The following FOCAD variants were observed in gnomAD, a reference collection of about 807,000 sequenced individuals.
FOCAD encodes the protein focadhesin.
In FOCAD, 198 loss-of-function variants were observed where a neutral mutation model predicts 225.6. That is an observed-to-expected ratio of 0.88 (90% CI 0.78 to 0.99). The LOEUF (loss-of-function observed/expected upper bound fraction) is 0.99. FOCAD is among the 50% of genes least tolerant of loss of function. FOCAD has a pLI of 0.00. For synonymous variants in FOCAD, 897 were observed against 755.0 expected, an observed-to-expected ratio of 1.19 and a Z score of -3.08; for missense variants, 2,713 against 2,123.6, an observed-to-expected ratio of 1.28 and a Z score of -5.46.
intron 41 of FOCAD, 21 bp downstream of exon 41, chr9:20,988,450 T>A: frequency 5.0e-6 from 7 of 1,388,520 alleles, no homozygotes; most frequent in Non-Finnish European, 7.1e-6. Flanking sequence ...GAGGAGTAGT[T>A]TATAGCTTCC....
At chr9:20,716,133 TC>T (rs1302649663) in intron 2 of FOCAD, 1 of 482,988 alleles carries the variant, frequency 2.1e-6, no homozygotes, top group Non-Finnish European at 4.4e-6. Flanking sequence ...GGGGAACCCT[TC>T]CATGAGGAGT....
At position 20,765,063 on chromosome 9, in the gene FOCAD, C is replaced by T; in HGVS notation, c.689C>T (p.Pro230Leu). The T allele has an allele frequency of 1.9e-6, 3 of 1,612,724 alleles. No homozygotes were observed. Among genetic ancestry groups the T allele is most frequent in the Non-Finnish European group, 2.5e-6 (3 of 1,179,274 alleles). ...QILQLCCDIVPCLQVKDLIQT... is the reference protein window; with the variant it reads ...QILQLCCDIVLCLQVKDLIQT... ...CTTCAACTGTGTTGTGACATAGTTC[C>T]ATGTTTGCAGGTAAGGTCTTTGTCC... Residue 230 changes from proline to leucine, a missense_variant, in exon 7 of 44, where the codon CCA becomes CTA. Pro to Leu is a moderately conservative substitution (Grantham distance 98). Coordinates refer to ENST00000338382, the MANE Select transcript of FOCAD (RefSeq NM_001375567.1).
At chr9:20,860,451 G>A (rs751234820) in intron 15 of FOCAD, among the ~76,000 whole-genome samples, 2 of 152,150 alleles carry the variant, frequency 1.3e-5, no homozygotes, top group Non-Finnish European at 2.9e-5. Context: ...TTTGAGAATA[G>A]TGCAAAGCTC....
chr9:20,978,290 G>C, intron 36 of FOCAD, 49 bp from the exon 37 acceptor site: 1 of 1,253,774 alleles, frequency 8.0e-7, no homozygotes, highest in Non-Finnish European at 1.1e-6. Flanking sequence ...CTGAAAATGA[G>C]TCAGGAAAGT....
At chr9:20,765,619 TATA>T (rs2130957725) in intron 7 of FOCAD, among the ~76,000 whole-genome samples, 1 of 152,292 alleles carries the variant, frequency 6.6e-6, no homozygotes, top group South Asian at 2.1e-4. Flanking sequence ...GTACTGTACA[TATA>T]TTCTTACAAT....
intron 1 of FOCAD, among the ~76,000 whole-genome samples, chr9:20,703,656 T>A (rs1380150814): frequency 2.0e-5 from 3 of 152,044 alleles, no homozygotes; most frequent in Non-Finnish European, 4.4e-5. Context: ...TTAAAACAAT[T>A]TTTCTACTTC....
At chr9:20,859,408 A>G (rs905548795) in intron 15 of FOCAD, among the ~76,000 whole-genome samples, 5 of 150,830 alleles carry the variant, frequency 3.3e-5, no homozygotes, top group Non-Finnish European at 7.4e-5. Flanking sequence ...AAGAAAGAAA[A>G]TATTATTCTC....
At chr9:20,825,340 T>C (rs1824774120) in intron 15 of FOCAD, among the ~76,000 whole-genome samples, 2 of 152,110 alleles carry the variant, frequency 1.3e-5, no homozygotes, top group Non-Finnish European at 2.9e-5. Flanking sequence ...CAGCTCGCAT[T>C]CTGTGAAGCC....
chr9:20,779,359 G>T (rs1310560412), intron 9 of FOCAD, among the ~76,000 whole-genome samples: 2 of 152,086 alleles, frequency 1.3e-5, no homozygotes, highest in East Asian at 3.8e-4. Flanking sequence ...ACTTTACTTG[G>T]TCTGATCCAA....
chr9:20,703,845 G>C (rs1488547199), intron 1 of FOCAD, among the ~76,000 whole-genome samples: 1 of 152,164 alleles, frequency 6.6e-6, no homozygotes, highest in Admixed American at 6.5e-5. Flanking sequence ...TTATGCACAA[G>C]ACCTTGTTTA....
rs2132698878 is a variant in FOCAD, at chr9:20,990,323, T to C, written c.5205T>C (p.Asn1735=). 3 of 1,613,938 alleles carry C rather than the reference T, an allele frequency of 1.9e-6. No individual in the cohort carries two copies. In the South Asian group the frequency reaches 3.3e-5, roughly 18 times the overall value. ...TLQEVLTLLP[N]SMALLLQKEP... is the part of the protein sequence containing the mutation. ...AGGAGGTTCTCACTCTCCTTCCCAA[T>C]AGCATGGCTCTGCTGCTGCAGAAAG... The change falls in exon 42 of 44, where the codon AAT becomes AAC. Residue 1735 remains asparagine (N), a synonymous_variant. Transcript: ENST00000338382.
At chr9:20,867,080 C>T in intron 18 of FOCAD, 68 bp downstream of exon 18, 2 of 1,001,108 alleles carry the variant, frequency 2.0e-6, no homozygotes, top group East Asian at 2.4e-5. Context: ...TCTCTCTCAT[C>T]TTAGGAGATA....
In FOCAD at chr9:20,995,579, C is replaced by T. The variant is rs1203257715; in HGVS notation, c.5356C>T (p.Leu1786Phe). ...AGCCACCCTGCTGTCCTTGAGAGTTCTCCCAGAGTTTAAGAAGAAAGCTGT... is the reference window on the plus strand; with the variant it reads ...AGCCACCCTGCTGTCCTTGAGAGTTTTCCCAGAGTTTAAGAAGAAAGCTGT... ...LKATLLSLRVLPEFKKKAVWT... is the reference protein window; with the variant it reads ...LKATLLSLRVFPEFKKKAVWT... The change falls in exon 44 of 44, where the codon CTC becomes TTC. Residue 1786 changes from leucine (L) to phenylalanine (F), a missense_variant. Coordinates refer to ENST00000338382, the MANE Select transcript of FOCAD (RefSeq NM_001375567.1). 6.2e-7 allele frequency: 1 copy of T among 1,612,732 alleles called. No homozygotes were observed. Among genetic ancestry groups the T allele is most frequent in the East Asian group, 2.2e-5 (1 of 44,878 alleles).
At chr9:20,842,641 G>A (rs964101867) in intron 15 of FOCAD, among the ~76,000 whole-genome samples, 1 of 151,864 alleles carries the variant, frequency 6.6e-6, no homozygotes, top group African/African-American at 2.4e-5. Flanking sequence ...CTTGTAGACA[G>A]CAAACAGTTG....
intron 2 of FOCAD, among the ~76,000 whole-genome samples, chr9:20,716,398 A>G (rs1039493137): frequency 1.2e-4 from 19 of 152,086 alleles, no homozygotes; most frequent in African/African-American, 4.3e-4. Flanking sequence ...CTGTTATAGA[A>G]CACTTAAGTA....
chr9:20,878,359 G>C (rs997531516), intron 19 of FOCAD, among the ~76,000 whole-genome samples: 1 of 152,162 alleles, frequency 6.6e-6, no homozygotes, highest in Non-Finnish European at 1.5e-5. Context: ...TGTATTTGGA[G>C]AGTGGTTGTG....
intron 1 of FOCAD, among the ~76,000 whole-genome samples, chr9:20,703,622 A>G (rs1448636857): frequency 6.6e-6 from 1 of 151,772 alleles, no homozygotes; most frequent in Non-Finnish European, 1.5e-5. Flanking sequence ...CCATCTTTGC[A>G]TATAAGTAAT....
chr9:20,923,765 G>C lies in FOCAD; in HGVS notation c.2958G>C (p.Leu986=). 2 of 1,611,930 alleles carry C rather than the reference G, an allele frequency of 1.2e-6. No individual in the cohort carries two copies. Among genetic ancestry groups the C allele is most frequent in the Non-Finnish European group, 1.7e-6 (2 of 1,178,264 alleles). ...TCTCCTCAGACTCTGACGGGCTCCTGGAGGTTAGTTGGGGTGATTTAAACA... is the reference window on the plus strand; with the variant it reads ...TCTCCTCAGACTCTGACGGGCTCCTCGAGGTTAGTTGGGGTGATTTAAACA... ...ASLSSDSDGL[L]EVQPNFLSMK... The change falls in exon 25 of 44, where the codon CTG becomes CTC. Residue 986 remains leucine (L), a synonymous_variant. Transcript: ENST00000338382.
At chr9:20,974,956 C>G (rs887905693) in intron 35 of FOCAD, among the ~76,000 whole-genome samples, 8 of 152,168 alleles carry the variant, frequency 5.3e-5, no homozygotes, top group Non-Finnish European at 1.0e-4. Context: ...CTTTCTGAAG[C>G]TGTTTTTCCT....
Sources: gnomAD v4.1 joint callset for allele counts (sites outside exome capture counted in the v4.1 genomes callset) on GRCh38, gnomAD v4.1.1 for gene constraint, MANE v1.5 for transcripts, NCBI Gene and HGNC (gene_info 2026-07-23, HGNC 2026-07-21) for gene names.